The following GLIS3 variants were observed in gnomAD, a reference collection of about 807,000 sequenced individuals.
GLIS3 encodes the protein zinc finger protein GLIS3.
In GLIS3, 53 loss-of-function variants were observed where a neutral mutation model predicts 78.6. That is an observed-to-expected ratio of 0.67 (90% CI 0.54 to 0.85). The LOEUF is 0.85. Among genes scored for constraint, GLIS3 ranks in the 40% least tolerant of loss-of-function variants. GLIS3 has a pLI of 0.00. For synonymous variants in GLIS3, 684 were observed against 509.9 expected, an observed-to-expected ratio of 1.34 and a Z score of -4.60; for missense variants, 1,703 against 1,231.1, an observed-to-expected ratio of 1.38 and a Z score of -5.74.
intron 2 of GLIS3, among the ~76,000 whole-genome samples, chr9:4,240,593 T>C (rs1253636570): frequency 6.6e-6 from 1 of 152,174 alleles, no homozygotes; most frequent in African/African-American, 2.4e-5. Context: ...CACTTTATCT[T>C]CTTCACATAA....
At chr9:4,413,064 A>G in the GLIS3 span, among the ~76,000 whole-genome samples, 6 of 152,336 alleles carry the variant, frequency 3.9e-5, no homozygotes, top group South Asian at 1.0e-3. Flanking sequence ...AACATCTAGC[A>G]CTACCCTAAC....
intron 6 of GLIS3, among the ~76,000 whole-genome samples, chr9:3,927,030 C>T (rs1344907566): frequency 6.6e-6 from 1 of 152,224 alleles, no homozygotes; most frequent in Non-Finnish European, 1.5e-5. Context: ...CCTCTGTTAA[C>T]ATCCGTATCA....
intron 9 of GLIS3, among the ~76,000 whole-genome samples, chr9:3,840,338 C>T (rs1185455411): frequency 2.0e-5 from 3 of 152,146 alleles, no homozygotes; most frequent in Non-Finnish European, 2.9e-5. Flanking sequence ...TTTGCCTTGG[C>T]TGCTTGTCTT....
In GLIS3 at chr9:3,825,506, C is replaced by G. The variant is rs145629157; in HGVS notation, c.*2766G>C. The G allele has an allele frequency of 4.6e-5, 7 of 151,830 alleles. No homozygotes were observed. The highest frequency in any genetic ancestry group is 7.4e-5 in the Non-Finnish European group (5 of 67,954). 9.4% of individuals were successfully genotyped at this position (151,830 alleles called of 1,614,324 possible). The stretch of plus-strand genomic sequence containing the variant: ...CAAGCACTAGTTTTGTGTTTTGTTT[C>G]TGTTTTTAAGGGGAATGACAATCTC... On this transcript the variant is annotated 3_prime_UTR_variant, in exon 11 of 11. Coordinates refer to ENST00000381971, the MANE Select transcript of GLIS3 (RefSeq NM_001042413.2).
chr9:4,099,337 A>G (rs7042838), intron 4 of GLIS3, among the ~76,000 whole-genome samples: 2 of 152,092 alleles, frequency 1.3e-5, no homozygotes, highest in African/African-American at 2.4e-5. Flanking sequence ...CCTCTCTGCT[A>G]GTTTCTGGTG....
At chr9:4,484,965 T>C in the GLIS3 span, among the ~76,000 whole-genome samples, 1 of 141,416 alleles carries the variant, frequency 7.1e-6, no homozygotes, top group Non-Finnish European at 1.5e-5. Context: ...GTAGATAACA[T>C]CATCATTATT....
upstream of GLIS3, among the ~76,000 whole-genome samples, chr9:4,350,268 G>C (rs918438960): frequency 6.6e-6 from 1 of 152,206 alleles, no homozygotes; most frequent in Non-Finnish European, 1.5e-5. Context: ...AGAGCAAAGA[G>C]GGAATAGGCG....
chr9:4,296,179 G>C (rs1009164684), intron 1 of GLIS3, among the ~76,000 whole-genome samples: 1 of 150,828 alleles, frequency 6.6e-6, no homozygotes, highest in Non-Finnish European at 1.5e-5. Context: ...TCTGGGAGAA[G>C]AGTAAATTAA....
chr9:4,088,303 G>C (rs1829215214), intron 4 of GLIS3, among the ~76,000 whole-genome samples: 1 of 152,204 alleles, frequency 6.6e-6, no homozygotes, highest in Non-Finnish European at 1.5e-5. Flanking sequence ...AGTCCTGTGG[G>C]TCTAGCCCAA....
chr9:3,970,983 G>A (rs962724109), intron 4 of GLIS3, among the ~76,000 whole-genome samples: 1 of 151,906 alleles, frequency 6.6e-6, no homozygotes, highest in Admixed American at 6.6e-5. Context: ...GGATGGAATG[G>A]AGAAAGGGAG....
intron 2 of GLIS3, among the ~76,000 whole-genome samples, chr9:4,339,382 C>G (rs1166154338): frequency 2.6e-5 from 4 of 152,148 alleles, no homozygotes; most frequent in Admixed American, 6.5e-5. Context: ...CTTCACTCTA[C>G]TTTTTAATTT....
chr9:3,930,656 T>C (rs1825555013), intron 6 of GLIS3, among the ~76,000 whole-genome samples: 1 of 152,256 alleles, frequency 6.6e-6, no homozygotes, highest in African/African-American at 2.4e-5. Flanking sequence ...ACAGTGTTGC[T>C]TATTTGTCTA....
At chr9:4,229,290 T>C (rs1822050790) in intron 2 of GLIS3, among the ~76,000 whole-genome samples, 1 of 152,234 alleles carries the variant, frequency 6.6e-6, no homozygotes, top group Admixed American at 6.5e-5. Context: ...GCGCACATAC[T>C]TTCAAAAGAT....
rs1427395733 is a variant in GLIS3, at chr9:3,991,878, G to T, written c.1711-54689C>A. On this transcript the variant is annotated intron_variant, in intron 4 of 10. Transcript: ENST00000381971. ...GCTAATTTTTTGTATTTTTAGTAGA[G>T]ACGGGGTTTCACCGTATTGGCCAGG... is the stretch of plus-strand genomic sequence containing the variant. Among the ~76,000 whole-genome samples the T allele has an allele frequency of 4.0e-5, 6 of 151,858 alleles. No homozygotes were observed. The East Asian group carries it at 1.2e-3, about 29-fold the overall frequency.
intron 9 of GLIS3, among the ~76,000 whole-genome samples, chr9:3,832,503 G>C (rs2129973940): frequency 6.6e-6 from 1 of 152,218 alleles, no homozygotes; most frequent in South Asian, 2.1e-4. Flanking sequence ...TTGACACACA[G>C]ACTAATTTCT....
chr9:4,451,391 A>G, the GLIS3 span, among the ~76,000 whole-genome samples: 1 of 152,144 alleles, frequency 6.6e-6, no homozygotes, highest in South Asian at 2.1e-4. Flanking sequence ...CTCCCACACA[A>G]TAATAATGGG....
chr9:4,386,154 AAGAG>A, the GLIS3 span, among the ~76,000 whole-genome samples: 4 of 152,166 alleles, frequency 2.6e-5, no homozygotes, highest in Non-Finnish European at 4.4e-5. Context: ...GGAGAAAAAC[AAGAG>A]AGAGAGAATA....
rs771299695 is a variant in GLIS3, at chr9:3,972,864, C to T, written c.1711-35675G>A. On this transcript the variant is annotated intron_variant, in intron 4 of 10. Transcript: ENST00000381971. ...TGATCTTTGCATTGTAATACTTCTTCCCAAAACACGTTAGAATGAGTCACG... is the reference window on the plus strand; with the variant it reads ...TGATCTTTGCATTGTAATACTTCTTTCCAAAACACGTTAGAATGAGTCACG... 7.2e-4 allele frequency among the ~76,000 whole-genome samples: 109 copies of T among 152,226 alleles called. 1 individual carries two copies. The highest frequency in any genetic ancestry group is 8.1e-4 in the Non-Finnish European group (55 of 67,996).
rs540976193 is a variant in GLIS3 at position 3,976,870 on chromosome 9, GAAA to G, written c.1711-39684_1711-39682del. 2.8e-3 allele frequency among the ~76,000 whole-genome samples: 180 copies of G among 65,068 alleles called. 1 individual carries two copies. Among genetic ancestry groups the G allele is most frequent in the African/African-American group, 1.0e-2 (174 of 17,482 alleles). 42.7% of individuals were successfully genotyped at this position (65,068 alleles called of 152,430 possible). A position where few individuals can be genotyped will look rare whatever the true frequency, so the allele number is the denominator to read the frequency against. ...CCACAATCGGATGACATCTTTGGTGGAAAAAAAAAAAAGCTTCTGACAAGACAG... is the reference window on the plus strand; with the variant it reads ...CCACAATCGGATGACATCTTTGGTGGAAAAAAAAAGCTTCTGACAAGACAG... On this transcript the variant is annotated intron_variant, in intron 4 of 10. Transcript: ENST00000381971.
Sources: gnomAD v4.1 joint callset for allele counts (sites outside exome capture counted in the v4.1 genomes callset) on GRCh38, gnomAD v4.1.1 for gene constraint, MANE v1.5 for transcripts, NCBI Gene and HGNC (gene_info 2026-07-23, HGNC 2026-07-21) for gene names.